Variants in SAMD14 observed in about 807,000 individuals in gnomAD.
SAMD14 encodes sterile alpha motif domain containing 14, also known as sterile alpha motif domain-containing protein 14.
Under a neutral mutation model 46.2 loss-of-function variants are expected in SAMD14, and 27 were observed. The observed-to-expected ratio is 0.58, with a 90% confidence interval of 0.43 to 0.81. The LOEUF (loss-of-function observed/expected upper bound fraction) is 0.81. Among genes scored for constraint, SAMD14 ranks in the 30% least tolerant of loss-of-function variants. The probability of loss-of-function intolerance (pLI) is 0.00; values close to 1 mark genes in which losing one functional copy is unlikely to be tolerated. For missense variants in SAMD14, 559 were observed against 582.2 expected (o/e 0.96, Z 0.41); for synonymous variants, 241 against 254.3 (o/e 0.95, Z 0.50).
chr17:50,121,870 T>C (rs1389899625), intron 2 of SAMD14, among the ~76,000 whole-genome samples: 1 of 152,232 alleles, frequency 6.6e-6, no homozygotes, highest in African/African-American at 2.4e-5. Flanking sequence ...CTGGGCAAGT[T>C]ACTTCCTTTT....
At position 50,117,497 on chromosome 17, in the gene SAMD14, C is replaced by G; in HGVS notation, c.409G>C (p.Ala137Pro). 1 of 1,450,904 alleles carries G rather than the reference C, an allele frequency of 6.9e-7. No homozygotes were observed. The highest frequency in any genetic ancestry group is 1.4e-5 in the South Asian group (1 of 70,346). 89.9% of individuals were successfully genotyped at this position (1,450,904 alleles called of 1,614,324 possible). Reference protein sequence around the residue: ...NAASHEGLAAASCSPPRSAPS... With the variant: ...NAASHEGLAAPSCSPPRSAPS... ...GCGGAGCGCGGCGGAGAGCAGGAGG[C>G]GGCGGCCAGGCCCTCGTGCGACGCA... Residue 137 changes from alanine to proline, a missense_variant, in exon 4 of 10, where the codon GCC (alanine) becomes CCC (proline). Ala to Pro is a conservative substitution (Grantham distance 27, BLOSUM62 -1). Transcript: ENST00000330175.
chr17:50,113,380 C>G (rs1301947003), intron 9 of SAMD14: 5 of 319,788 alleles, frequency 1.6e-5, no homozygotes, highest in Admixed American at 4.6e-5. Flanking sequence ...CAAGGTCACA[C>G]AGTTAGTGCC....
intron 2 of SAMD14, among the ~76,000 whole-genome samples, chr17:50,122,017 C>T (rs530903978): frequency 1.3e-5 from 2 of 152,230 alleles, no homozygotes; most frequent in African/African-American, 4.8e-5. Flanking sequence ...GCTCAACAGG[C>T]GCTCGCTGGT....
intron 1 of SAMD14, among the ~76,000 whole-genome samples, chr17:50,127,612 A>AG (rs397967756): frequency 2.0e-5 from 3 of 151,840 alleles, no homozygotes; most frequent in African/African-American, 7.3e-5. Flanking sequence ...AAAAAAAAAA[A>AG]CAAAAAACAA....
At chr17:50,128,713 AGGGAGC>A (rs756596950) in intron 1 of SAMD14, among the ~76,000 whole-genome samples, 13 of 152,098 alleles carry the variant, frequency 8.5e-5, no homozygotes, top group South Asian at 6.2e-4. Flanking sequence ...ATTCCTGGGG[AGGGAGC>A]GGGAGCGGGA....
Position 50,112,872 on chromosome 17 carries a change from C to A in SAMD14, c.*21G>T. The A allele has an allele frequency of 6.3e-7, 1 of 1,591,284 alleles. No homozygotes were observed. Among genetic ancestry groups the A allele is most frequent in the Non-Finnish European group, 8.5e-7 (1 of 1,174,598 alleles). On this transcript the variant is annotated 3_prime_UTR_variant, in exon 10 of 10. Transcript: ENST00000330175. ...AGCCAGTGGCTGCCCCTGCCGGGTGCCAGCGCCTGTGCACCCTCCCCTAGC... is the reference window on the plus strand; with the variant it reads ...AGCCAGTGGCTGCCCCTGCCGGGTGACAGCGCCTGTGCACCCTCCCCTAGC...
At chr17:50,127,807 A>T (rs991651344) in intron 1 of SAMD14, among the ~76,000 whole-genome samples, 1 of 152,124 alleles carries the variant, frequency 6.6e-6, no homozygotes, top group Admixed American at 6.5e-5. Context: ...GGCTGACCCT[A>T]AGAATTAACC....
At position 50,115,517 on chromosome 17, in the gene SAMD14, A is replaced by G; in HGVS notation, c.822+47T>C. 1 of 1,506,972 alleles carries G rather than the reference A, an allele frequency of 6.6e-7. No individual in the cohort carries two copies. 93.4% of individuals were successfully genotyped at this position (1,506,972 alleles called of 1,614,324 possible). ...CCAAGGTGAAGTACGCCCTCATGTC[A>G]CCTGAGACTGGGGGCCAGTTTGGGG... On this transcript the variant is annotated intron_variant, in intron 7 of 9. Coordinates refer to ENST00000330175, the MANE Select transcript of SAMD14 (RefSeq NM_001257359.2). This position sits in a 1 kb window ranked among gnomAD's most constrained non-coding sequence, Gnocchi z 5.3.
intron 4 of SAMD14, 150 bp downstream of exon 4, chr17:50,117,257 A>G: frequency 1.3e-6 from 1 of 746,400 alleles, no homozygotes; most frequent in Non-Finnish European, 1.9e-6. Flanking sequence ...GGCGCTCGGT[A>G]AAGAATGAGT....
chr17:50,112,958 G>C lies in SAMD14; in HGVS notation c.1189C>G (p.Gln397Glu). 6.2e-7 allele frequency: 1 copy of C among 1,611,078 alleles called. No individual in the cohort carries two copies. ...TCCCGCTGCCGCGCAGCCTTCTCCT[G>C]GGCCTTGCGCTCCTTCTCGGCAGCT... ...AAAAEKERKA[Q>E]EKAARQREKL... The change falls in exon 10 of 10, where the codon CAG (glutamine) becomes GAG (glutamate). Residue 397 changes from glutamine (Q) to glutamate (E), a missense_variant. Coordinates refer to ENST00000330175, the MANE Select transcript of SAMD14 (RefSeq NM_001257359.2).
At chr17:50,113,622 A>T (rs561075043) in intron 9 of SAMD14, 3 of 419,978 alleles carry the variant, frequency 7.1e-6, no homozygotes. Flanking sequence ...CAGGACACTC[A>T]TATGCATCAA....
Position 50,112,717 on chromosome 17 carries a change from T to G in SAMD14, c.*176A>C, listed in dbSNP as rs372247658. ...CTAGGCCCTCTCCCTGGGGTCTCCC[T>G]TTCTGGGGTCTCTGGGTCTAGACCA... On this transcript the variant is annotated 3_prime_UTR_variant, in exon 10 of 10. Coordinates refer to ENST00000330175, the MANE Select transcript of SAMD14 (RefSeq NM_001257359.2). 8 of 694,348 alleles carry G rather than the reference T, an allele frequency of 1.2e-5. No individual in the cohort carries two copies. The East Asian group carries it at 1.4e-4, about 12-fold the overall frequency. 43.0% of individuals were successfully genotyped at this position (694,348 alleles called of 1,614,324 possible). A position where few individuals can be genotyped will look rare whatever the true frequency, so the allele number is the denominator to read the frequency against.
intron 1 of SAMD14, among the ~76,000 whole-genome samples, chr17:50,128,953 CAG>C (rs1470886389): frequency 3.3e-5 from 5 of 152,202 alleles, no homozygotes; most frequent in East Asian, 1.9e-4. Flanking sequence ...GAGAAAGCGA[CAG>C]AGAGAAGTGC....
In SAMD14 at chr17:50,117,574, T is replaced by TCGTCCA. The variant is rs762219749; in HGVS notation, c.326_331dup (p.Asp110_Glu111insValAsp). On this transcript the variant is annotated inframe_insertion, in exon 4 of 10. Coordinates refer to ENST00000330175, the MANE Select transcript of SAMD14 (RefSeq NM_001257359.2). ...GAGCGGCGAGGGCGGCGGCTCGTCCTCGTCCAGGCTGCGCCGCAACCCCGG... is the reference window on the plus strand; with the variant it reads ...GAGCGGCGAGGGCGGCGGCTCGTCCTCGTCCACGTCCAGGCTGCGCCGCAACCCCGG... 7 of 1,551,062 alleles carry TCGTCCA rather than the reference T, an allele frequency of 4.5e-6. No homozygotes were observed. In the African/African-American group the frequency reaches 8.4e-5, roughly 19 times the overall value.
chr17:50,117,641 C>T lies in SAMD14; in HGVS notation c.265G>A (p.Gly89Ser). Residue 89 changes from glycine (G) to serine (S), a missense_variant, in exon 4 of 10, where the codon GGC (glycine) becomes AGC (serine). Gly to Ser is a moderately conservative substitution (Grantham distance 56). Coordinates refer to ENST00000330175, the MANE Select transcript of SAMD14 (RefSeq NM_001257359.2). ...LHRLRSPLHS[G>S]PGSPAGGSFC... is the part of the protein sequence containing the mutation. ...GAGCCCCCGGCCGGGGACCCCGGGC[C>T]TGAGTGCAAAGGCGAGCGCAGCCGG... 1 of 1,562,532 alleles carries T rather than the reference C, an allele frequency of 6.4e-7. No homozygotes were observed. The highest frequency in any genetic ancestry group is 8.6e-7 in the Non-Finnish European group (1 of 1,164,468).
rs972513490 is a variant in SAMD14, at chr17:50,111,477, T to C, written c.*1416A>G. 1.3e-5 allele frequency: 2 copies of C among 152,202 alleles called. No individual in the cohort carries two copies. Among genetic ancestry groups the C allele is most frequent in the African/African-American group, 4.8e-5 (2 of 41,408 alleles). 9.4% of individuals were successfully genotyped at this position (152,202 alleles called of 1,614,324 possible). On this transcript the variant is annotated 3_prime_UTR_variant, in exon 10 of 10. Transcript: ENST00000330175. ...CCCAGATGGTGCCAGTGTCCTCATA[T>C]CTGTTTCCCTCCGAAGCCCCTCTCC...
intron 1 of SAMD14, among the ~76,000 whole-genome samples, chr17:50,128,647 G>A (rs1023999664): frequency 6.6e-6 from 1 of 152,188 alleles, no homozygotes; most frequent in African/African-American, 2.4e-5. Flanking sequence ...AGGGAGGCAG[G>A]TGAGCTCACA....
At position 50,119,650 on chromosome 17, in the gene SAMD14, T is replaced by C. The variant is rs1598228922; in HGVS notation, c.44-1323A>G. The stretch of plus-strand genomic sequence containing the variant: ...AACTCATCAAAATGAACCGATCATG[T>C]AACCTCAAACCAGCTTCTACTCTCT... On this transcript the variant is annotated intron_variant, in intron 2 of 9. Transcript: ENST00000330175. Among the ~76,000 whole-genome samples, 5 of 152,288 alleles carry C rather than the reference T, an allele frequency of 3.3e-5. No homozygotes were observed. In the South Asian group the frequency reaches 1.0e-3, roughly 32 times the overall value.
chr17:50,112,985 C>T lies in SAMD14; in HGVS notation c.1162G>A (p.Ala388Thr), dbSNP rs777187065. ...LVKRKLKEMAAAAEKERKAQE... is the reference protein window; with the variant it reads ...LVKRKLKEMATAAEKERKAQE... ...GCCTTGCGCTCCTTCTCGGCAGCTG[C>T]TGCCATCTCCTTCAACTTGCGCTTC... Residue 388 changes from alanine (A) to threonine (T), a missense_variant, in exon 10 of 10, where the codon GCA (alanine) becomes ACA (threonine). Physicochemically the swap from Ala to Thr is moderately conservative, Grantham distance 58. Coordinates refer to ENST00000330175, the MANE Select transcript of SAMD14 (RefSeq NM_001257359.2). 4.3e-6 allele frequency: 7 copies of T among 1,612,186 alleles called. No individual in the cohort carries two copies. The highest frequency in any genetic ancestry group is 5.9e-6 in the Non-Finnish European group (7 of 1,179,994).
Sources: allele counts gnomAD v4.1 joint callset (sites outside exome capture counted in the v4.1 genomes callset), GRCh38; gene constraint gnomAD v4.1.1; non-coding constraint Gnocchi (gnomAD v3.1); transcripts MANE v1.5; gene names NCBI Gene and HGNC (gene_info 2026-07-23, HGNC 2026-07-21).